The following RAPGEFL1 variants were observed in gnomAD, a reference collection of about 807,000 sequenced individuals.
RAPGEFL1 encodes rap guanine nucleotide exchange factor-like 1.
Under a neutral mutation model 64.4 loss-of-function variants are expected in RAPGEFL1, and 31 were observed. The observed-to-expected ratio is 0.48, with a 90% CI of 0.36 to 0.65. The LOEUF (loss-of-function observed/expected upper bound fraction) is 0.65, where lower values mean the gene tolerates loss of function less well. Ranked by LOEUF, RAPGEFL1 falls within the 30% of genes least tolerant of loss-of-function variation. RAPGEFL1 has a pLI of 0.00. For synonymous variants in RAPGEFL1, 331 were observed against 274.1 expected, an observed-to-expected ratio of 1.21 and a Z score of -2.05; for missense variants, 682 against 677.4, an observed-to-expected ratio of 1.01 and a Z score of -0.08.
At chr17:40,179,288 G>A (rs1458000903) in intron 1 of RAPGEFL1, among the ~76,000 whole-genome samples, 5 of 152,098 alleles carry the variant, frequency 3.3e-5, no homozygotes, top group Non-Finnish European at 7.4e-5. Context: ...GGATGGTCTC[G>A]AACTCCTGAC....
intron 8 of RAPGEFL1, 145 bp downstream of exon 8, chr17:40,190,907 C>T (rs1291265127): frequency 1.5e-6 from 2 of 1,324,516 alleles, no homozygotes; most frequent in South Asian, 1.4e-5. Flanking sequence ...TTTGTTCCCC[C>T]ATCTGAAAAA....
chr17:40,183,518 C>CTTTTTT (rs760848897), intron 2 of RAPGEFL1, among the ~76,000 whole-genome samples: 22 of 130,138 alleles, frequency 1.7e-4, no homozygotes, highest in South Asian at 5.0e-4. Context: ...CTTTTCTTTT[C>CTTTTTT]TTTTTTTTTT....
chr17:40,192,233 G>A lies in RAPGEFL1; in HGVS notation c.1626G>A (p.Lys542=). The A allele has an allele frequency of 6.2e-7, 1 of 1,614,088 alleles. No homozygotes were observed. Among genetic ancestry groups the A allele is most frequent in the Admixed American group, 1.7e-5 (1 of 60,008 alleles). ...TGCAGAAGCTGCCAGGGAAATTCAA[G>A]AACTTGTTTCGCAAATTTGAGAACC... ...LTWEKLPGKF[K]NLFRKFENLT... is the part of the protein sequence containing the mutation. The change falls in exon 11 of 15, where the codon AAG becomes AAA. Residue 542 remains lysine, a synonymous_variant. Transcript: ENST00000620260.
At chr17:40,184,721 C>A (rs745407059) in intron 4 of RAPGEFL1, 43 bp downstream of exon 4, 58 of 1,249,246 alleles carry the variant, frequency 4.6e-5, no homozygotes, top group Non-Finnish European at 6.2e-5. Context: ...AAAGTGGTCC[C>A]CTGCGTTCCT....
chr17:40,186,910 A>G (rs898245479), intron 4 of RAPGEFL1, among the ~76,000 whole-genome samples: 67 of 151,120 alleles, frequency 4.4e-4, no homozygotes, highest in African/African-American at 1.5e-3. Context: ...AAAAAAAAAA[A>G]GTAGTGAAAA....
chr17:40,182,007 C>T (rs1401492597), intron 2 of RAPGEFL1, among the ~76,000 whole-genome samples: 1 of 151,442 alleles, frequency 6.6e-6, no homozygotes, highest in Non-Finnish European at 1.5e-5. Flanking sequence ...CACTTGAACC[C>T]GGGAGGCAAA....
upstream of RAPGEFL1, chr17:40,177,355 C>T (rs1989737635): frequency 5.1e-6 from 3 of 585,552 alleles, no homozygotes; most frequent in East Asian, 3.7e-5. Context: ...GTTTCCCTCG[C>T]GGTCAACCCC....
Position 40,177,851 on chromosome 17 carries a change from CG to C in RAPGEFL1, c.-2del, listed in dbSNP as rs371861120. The C allele has an allele frequency of 9.4e-4, 389 of 412,138 alleles. 2 individuals carry two copies. Among genetic ancestry groups the C allele is most frequent in the South Asian group, 2.4e-3 (39 of 16,104 alleles). 25.5% of individuals were successfully genotyped at this position (412,138 alleles called of 1,614,324 possible). On this transcript the variant is annotated 5_prime_UTR_variant, in exon 1 of 15. Transcript: ENST00000620260. ...CCCCCGGCGACCCCTAGGAGAGGGGCGGGGGGGGGCATGAAGCCGCTGGAGA... is the reference window on the plus strand; with the variant it reads ...CCCCCGGCGACCCCTAGGAGAGGGGCGGGGGGGGCATGAAGCCGCTGGAGA...
At chr17:40,193,012 C>A (rs1287195630) in intron 13 of RAPGEFL1, 22 bp downstream of exon 13, 5 of 1,601,518 alleles carry the variant, frequency 3.1e-6, no homozygotes, top group Non-Finnish European at 4.3e-6. Flanking sequence ...GCACTGCAAA[C>A]CCCTAGTCCC....
In RAPGEFL1 at chr17:40,189,267, G is replaced by A; in HGVS notation, c.1006G>A (p.Ala336Thr). ...SYVTIRSRLS[A>T]SVQDILGSVT... is the part of the protein sequence containing the mutation. Reference sequence around the variant, plus strand: ...TGTGACCATACGCAGCCGCCTTTCAGCATCTGTGCAGGACATTCTGGGCTC... The same window carrying A: ...TGTGACCATACGCAGCCGCCTTTCAACATCTGTGCAGGACATTCTGGGCTC... Residue 336 changes from alanine (A) to threonine (T), a missense_variant, in exon 6 of 15, where the codon GCA becomes ACA. Coordinates refer to ENST00000620260, the MANE Select transcript of RAPGEFL1 (RefSeq NM_016339.6). 2.5e-6 allele frequency: 4 copies of A among 1,614,160 alleles called. No homozygotes were observed. Among genetic ancestry groups the A allele is most frequent in the Non-Finnish European group, 2.5e-6 (3 of 1,179,998 alleles).
At position 40,177,599 on chromosome 17, in the gene RAPGEFL1, C is replaced by A. The variant is rs971575200; in HGVS notation, c.-263C>A. 2.6e-6 allele frequency: 1 copy of A among 392,056 alleles called. No homozygotes were observed. Among genetic ancestry groups the A allele is most frequent in the African/African-American group, 2.1e-5 (1 of 47,574 alleles). The allele number at this position is 392,056 out of a possible 1,614,324, so 24.3% of individuals were successfully genotyped here. On this transcript the variant is annotated 5_prime_UTR_variant, in exon 1 of 15. Coordinates refer to ENST00000620260, the MANE Select transcript of RAPGEFL1 (RefSeq NM_016339.6). ...CGGGCGCACCGGCCCCGCAGCCTGC[C>A]CACTCTTCGGGCCGCGTGCCGGCTG...
intron 4 of RAPGEFL1, among the ~76,000 whole-genome samples, chr17:40,187,411 G>C (rs1009389410): frequency 1.3e-5 from 2 of 152,090 alleles, no homozygotes; most frequent in African/African-American, 4.8e-5. Context: ...TCATGCTCCT[G>C]TTCCAAAGGC....
chr17:40,181,406 G>T, intron 1 of RAPGEFL1: 46 of 610,514 alleles, frequency 7.5e-5, no homozygotes, highest in East Asian at 1.7e-4. Context: ...CAGCTGCCTT[G>T]GCAGCTGCCG....
rs751003908 is a variant in RAPGEFL1 at position 40,193,753 on chromosome 17, G to C, written c.1954G>C (p.Glu652Gln). Residue 652 changes from glutamate (E) to glutamine (Q), a missense_variant, in exon 15 of 15, where the codon GAG becomes CAG. Glu to Gln is a conservative substitution (Grantham distance 29). Coordinates refer to ENST00000620260, the MANE Select transcript of RAPGEFL1 (RefSeq NM_016339.6). Reference sequence around the variant, plus strand: ...CATCGACAACCAGAACCTCCTCTTCGAGCTCTCCTACAAGCTGGAGGCAAA... The same window carrying C: ...CATCGACAACCAGAACCTCCTCTTCCAGCTCTCCTACAAGCTGGAGGCAAA... ...QVIDNQNLLF[E>Q]LSYKLEANSQ is the part of the protein sequence containing the mutation. 2 of 1,613,934 alleles carry C rather than the reference G, an allele frequency of 1.2e-6. No homozygotes were observed. The highest frequency in any genetic ancestry group is 4.5e-5 in the East Asian group (2 of 44,852).
At chr17:40,189,766 C>T (rs1285668529) in intron 6 of RAPGEFL1, among the ~76,000 whole-genome samples, 1 of 152,080 alleles carries the variant, frequency 6.6e-6, no homozygotes. Flanking sequence ...TTGGACAGGA[C>T]CCCCCAGGGG....
chr17:40,177,013 G>C (rs1345869957), upstream of RAPGEFL1: 1 of 700,922 alleles, frequency 1.4e-6, no homozygotes, highest in Non-Finnish European at 2.6e-6. Context: ...ACCACCTATT[G>C]TGCCCTACCA....
Position 40,186,892 on chromosome 17 carries a change from CAAAAA to C in RAPGEFL1, c.834-1960_834-1956del, listed in dbSNP as rs565969931. Among the ~76,000 whole-genome samples the C allele has an allele frequency of 6.9e-4, 45 of 65,242 alleles. No homozygotes were observed. In the Admixed American group the frequency reaches 7.0e-3, roughly 10 times the overall value. 42.8% of individuals were successfully genotyped at this position (65,242 alleles called of 152,430 possible). On this transcript the variant is annotated intron_variant, in intron 4 of 14. Transcript: ENST00000620260. Reference sequence around the variant, plus strand: ...CTGACAACAGAGCAAGACTCTGTCTCAAAAAAAAAAAAAAAAAAGTAGTGAAAACA... The same window carrying C: ...CTGACAACAGAGCAAGACTCTGTCTCAAAAAAAAAAAAAGTAGTGAAAACA...
Position 40,184,816 on chromosome 17 carries a change from G to C in RAPGEFL1, c.833+138G>C, listed in dbSNP as rs1473719704. 6.5e-6 allele frequency: 4 copies of C among 615,892 alleles called. No homozygotes were observed. The African/African-American group carries it at 7.5e-5, about 12-fold the overall frequency. 38.2% of individuals were successfully genotyped at this position (615,892 alleles called of 1,614,324 possible). On this transcript the variant is annotated intron_variant, in intron 4 of 14. Transcript: ENST00000620260. ...TTGTTTTGAGACAGAGTCTCACTTTGTCGCCTAGGCTGGAGAGCAGTGGTG... is the reference window on the plus strand; with the variant it reads ...TTGTTTTGAGACAGAGTCTCACTTTCTCGCCTAGGCTGGAGAGCAGTGGTG...
intron 6 of RAPGEFL1, 88 bp from the exon 7 acceptor site, chr17:40,190,346 A>T: frequency 1.9e-6 from 2 of 1,051,980 alleles, no homozygotes; most frequent in South Asian, 2.5e-5. Flanking sequence ...GTGTGGGGTG[A>T]GGAGTTTTTG....
Sources: allele counts gnomAD v4.1 joint callset (sites outside exome capture counted in the v4.1 genomes callset), GRCh38; gene constraint gnomAD v4.1.1; transcripts MANE v1.5; gene names NCBI Gene and HGNC (gene_info 2026-07-23, HGNC 2026-07-21).